EXOC6B: variants seen among roughly 807,000 people sequenced by gnomAD.
The protein encoded by EXOC6B is SEC15 homolog B.
A neutral mutation model predicts 113.5 loss-of-function variants in EXOC6B; 54 were observed. The observed-to-expected ratio is 0.48, with a 90% CI of 0.38 to 0.60. The LOEUF (loss-of-function observed/expected upper bound fraction) is 0.60, where lower values mean the gene tolerates loss of function less well. EXOC6B is among the 20% of genes least tolerant of loss of function. The pLI, the probability that EXOC6B is intolerant of heterozygous loss-of-function variation, is 0.00. For synonymous variants in EXOC6B, 357 were observed against 339.0 expected (o/e 1.05, Z -0.58); for missense variants, 797 against 977.5 (o/e 0.82, Z 2.46).
At chr2:72,674,482 T>C (rs1472915834) in intron 6 of EXOC6B, among the ~76,000 whole-genome samples, 1 of 152,244 alleles carries the variant, frequency 6.6e-6, no homozygotes, top group East Asian at 1.9e-4. Context: ...TCTACATATT[T>C]TCATTTACTA....
chr2:72,398,604 C>T (rs186438182), intron 18 of EXOC6B, among the ~76,000 whole-genome samples: 10 of 150,924 alleles, frequency 6.6e-5, no homozygotes, highest in Admixed American at 4.0e-4. Context: ...GGCTGCAGCA[C>T]GAGAATGGCT....
In EXOC6B at chr2:72,631,507, G is replaced by C. The variant is rs1217866264; in HGVS notation, c.670-55839C>G. The stretch of plus-strand genomic sequence containing the variant: ...AGAGAGAGAGAGAGAGAGAGAGAGA[G>C]AGAGAGAGAGAGAGAAAGACAAGGT... On this transcript the variant is annotated intron_variant, in intron 6 of 21. Coordinates refer to ENST00000272427, the MANE Select transcript of EXOC6B (RefSeq NM_015189.3). 6.6e-5 allele frequency among the ~76,000 whole-genome samples: 6 copies of C among 91,112 alleles called. No homozygotes were observed. In the East Asian group the frequency reaches 2.0e-3, roughly 30 times the overall value. 59.8% of individuals were successfully genotyped at this position (91,112 alleles called of 152,430 possible).
chr2:72,314,680 G>A (rs970902943), intron 20 of EXOC6B, among the ~76,000 whole-genome samples: 4 of 152,110 alleles, frequency 2.6e-5, no homozygotes, highest in East Asian at 1.9e-4. Context: ...GTTTATATCC[G>A]ATATGTACAA....
At chr2:72,247,578 C>T (rs1044105478) in intron 20 of EXOC6B, among the ~76,000 whole-genome samples, 25 of 152,162 alleles carry the variant, frequency 1.6e-4, no homozygotes, top group Admixed American at 3.9e-4. Flanking sequence ...TTTCCAGGTC[C>T]GCCCAGATGT....
chr2:72,723,739 C>A, intron 5 of EXOC6B, among the ~76,000 whole-genome samples: 1 of 135,612 alleles, frequency 7.4e-6, no homozygotes. Context: ...GTATTTATAG[C>A]TTAAAAAAAA....
chr2:72,732,266 A>G (rs946606021), intron 3 of EXOC6B, among the ~76,000 whole-genome samples: 63 of 152,204 alleles, frequency 4.1e-4, no homozygotes, highest in African/African-American at 1.5e-3. Flanking sequence ...CTCCCACCTC[A>G]GTCTCCCAAG....
At chr2:72,192,542 G>A (rs1371864198) in intron 20 of EXOC6B, among the ~76,000 whole-genome samples, 2 of 152,114 alleles carry the variant, frequency 1.3e-5, no homozygotes, top group Non-Finnish European at 1.5e-5. Context: ...GTGACATGTG[G>A]GCTGGGTCTT....
intron 6 of EXOC6B, among the ~76,000 whole-genome samples, chr2:72,592,701 G>C (rs1706050843): frequency 6.6e-6 from 1 of 152,118 alleles, no homozygotes; most frequent in Non-Finnish European, 1.5e-5. Flanking sequence ...CCAGCACAGA[G>C]CTTCTAAAAC....
chr2:72,787,018 C>T (rs1684412515), intron 1 of EXOC6B, among the ~76,000 whole-genome samples: 1 of 151,904 alleles, frequency 6.6e-6, no homozygotes, highest in Non-Finnish European at 1.5e-5. Context: ...AATACAGATA[C>T]AACAGAAGCA....
At chr2:72,662,323 G>T (rs928270067) in intron 6 of EXOC6B, among the ~76,000 whole-genome samples, 1 of 152,078 alleles carries the variant, frequency 6.6e-6, no homozygotes, top group African/African-American at 2.4e-5. Context: ...TCTAAAAACT[G>T]ATAAATTGAA....
chr2:72,659,816 AT>A (rs1335032850), intron 6 of EXOC6B, among the ~76,000 whole-genome samples: 2 of 152,184 alleles, frequency 1.3e-5, no homozygotes, highest in African/African-American at 4.8e-5. Context: ...ACAGTATAGT[AT>A]TTCACTACCA....
chr2:72,587,574 AT>A (rs1228863724), intron 6 of EXOC6B, among the ~76,000 whole-genome samples: 1 of 152,204 alleles, frequency 6.6e-6, no homozygotes, highest in Non-Finnish European at 1.5e-5. Flanking sequence ...ATTAGAAATT[AT>A]TTTTTAAAGT....
At chr2:72,597,422 T>TA (rs958373542) in intron 6 of EXOC6B, among the ~76,000 whole-genome samples, 2 of 151,630 alleles carry the variant, frequency 1.3e-5, no homozygotes, top group Admixed American at 1.3e-4. Flanking sequence ...GAACAACTGG[T>TA]AAAAATTTTT....
At chr2:72,462,789 A>G (rs905016227) in intron 18 of EXOC6B, 1 of 152,048 alleles carries the variant, frequency 6.6e-6, no homozygotes. Context: ...ATTATAATGT[A>G]ATTTATTCTT....
At chr2:72,295,176 A>G (rs1037827330) in intron 20 of EXOC6B, among the ~76,000 whole-genome samples, 2 of 149,668 alleles carry the variant, frequency 1.3e-5, no homozygotes, top group Non-Finnish European at 3.0e-5. Context: ...GGTTTCAGTG[A>G]GCCGAGATCG....
At chr2:72,473,778 C>T (rs533786390) in intron 17 of EXOC6B, among the ~76,000 whole-genome samples, 7 of 151,964 alleles carry the variant, frequency 4.6e-5, no homozygotes, top group East Asian at 1.9e-4. Flanking sequence ...TTTGTTACTG[C>T]GGTTTGGTGG....
At chr2:72,404,711 T>G (rs940764473) in intron 18 of EXOC6B, among the ~76,000 whole-genome samples, 26 of 152,026 alleles carry the variant, frequency 1.7e-4, no homozygotes, top group Non-Finnish European at 2.2e-4. Context: ...CATCTGTACA[T>G]CACCATCATC....
At chr2:72,523,127 T>C (rs1339176500) in intron 8 of EXOC6B, among the ~76,000 whole-genome samples, 1 of 152,216 alleles carries the variant, frequency 6.6e-6, no homozygotes, top group Non-Finnish European at 1.5e-5. Flanking sequence ...CATATAAAAG[T>C]AGTAAAATTT....
chr2:72,380,610 G>A (rs2105066704), intron 18 of EXOC6B, among the ~76,000 whole-genome samples: 2 of 152,134 alleles, frequency 1.3e-5, no homozygotes, highest in South Asian at 2.1e-4. Context: ...CTCCAGCCTG[G>A]GGGACAGAGA....
Sources: allele counts gnomAD v4.1 joint callset (sites outside exome capture counted in the v4.1 genomes callset), GRCh38; gene constraint gnomAD v4.1.1; transcripts MANE v1.5; gene names NCBI Gene and HGNC (gene_info 2026-07-23, HGNC 2026-07-21).